RSPRY1: variants seen among roughly 807,000 people sequenced by gnomAD.
The protein encoded by RSPRY1 is RING finger and SPRY domain-containing protein 1.
In RSPRY1, 23 loss-of-function variants were observed where a neutral mutation model predicts 73.1. That is an observed-to-expected ratio of 0.31 (90% CI 0.23 to 0.45). The LOEUF is 0.45. RSPRY1 is among the 20% of genes least tolerant of loss of function. The pLI is 1.00. For synonymous variants in RSPRY1, 226 were observed against 251.4 expected (o/e 0.90, Z 0.95); for missense variants, 448 against 698.7 (o/e 0.64, Z 4.05).
At chr16:57,237,144 G>A (rs574158470) in intron 14 of RSPRY1, among the ~76,000 whole-genome samples, 118 of 152,244 alleles carry the variant, frequency 7.8e-4, no homozygotes, top group African/African-American at 2.6e-3. Context: ...TCCAGCCCAG[G>A]CAAAGGCAGG....
At chr16:57,206,248 A>T (rs760506902) in intron 2 of RSPRY1, among the ~76,000 whole-genome samples, 1 of 152,100 alleles carries the variant, frequency 6.6e-6, no homozygotes, top group Non-Finnish European at 1.5e-5. Flanking sequence ...TGCAAAAAAA[A>T]TTTAAAAATT....
rs534956028 is a variant in RSPRY1 at position 57,215,990 on chromosome 16, T to G, written c.703-117T>G. ...TGAGAACTTGAATGAATGAAACTTT[T>G]CTGACCACTCGAAAAAACATCTAGC... On this transcript the variant is annotated intron_variant, in intron 6 of 14. Transcript: ENST00000394420. 31 of 740,774 alleles carry G rather than the reference T, an allele frequency of 4.2e-5. No homozygotes were observed. The East Asian group carries it at 6.6e-4, about 16-fold the overall frequency. 45.9% of individuals were successfully genotyped at this position (740,774 alleles called of 1,614,324 possible).
intron 13 of RSPRY1, among the ~76,000 whole-genome samples, chr16:57,233,676 C>T (rs2098008506): frequency 6.6e-6 from 1 of 152,136 alleles, no homozygotes; most frequent in Non-Finnish European, 1.5e-5. Flanking sequence ...GGCCCCTCGT[C>T]TGTTAATAAC....
rs374004464 is a variant in RSPRY1 at position 57,212,968 on chromosome 16, T to C, written c.517-4T>C. ...TCAAACCCACTTGTACTTTTTTGTTTTAGGATGCACTCCAGAAATTGACTG... is the reference window on the plus strand; with the variant it reads ...TCAAACCCACTTGTACTTTTTTGTTCTAGGATGCACTCCAGAAATTGACTG... On this transcript the variant is annotated splice_polypyrimidine_tract_variant and splice_region_variant and intron_variant, in intron 4 of 14. Transcript: ENST00000394420. 1 of 1,613,548 alleles carries C rather than the reference T, an allele frequency of 6.2e-7. No homozygotes were observed. Among genetic ancestry groups the C allele is most frequent in the Non-Finnish European group, 8.5e-7 (1 of 1,179,700 alleles).
chr16:57,239,659 A>T lies in RSPRY1; in HGVS notation c.*684A>T, dbSNP rs2075351105. On this transcript the variant is annotated 3_prime_UTR_variant, in exon 15 of 15. Coordinates refer to ENST00000394420, the MANE Select transcript of RSPRY1 (RefSeq NM_133368.3). ...AAATTGGTGGTATTTTCACATTCATAGTGTTTCTATCCAATTTCAGTACCC... is the reference window on the plus strand; with the variant it reads ...AAATTGGTGGTATTTTCACATTCATTGTGTTTCTATCCAATTTCAGTACCC... 1 of 150,136 alleles carries T rather than the reference A, an allele frequency of 6.7e-6. No homozygotes were observed. The highest frequency in any genetic ancestry group is 6.6e-5 in the Admixed American group (1 of 15,070). The allele number at this position is 150,136 out of a possible 1,614,324, so 9.3% of individuals were successfully genotyped here.
At chr16:57,188,818 C>A (rs2074298410) in intron 1 of RSPRY1, among the ~76,000 whole-genome samples, 1 of 151,994 alleles carries the variant, frequency 6.6e-6, no homozygotes, top group Non-Finnish European at 1.5e-5. Flanking sequence ...GTCTGCCTTT[C>A]GAAGTAATTT....
intron 2 of RSPRY1, 49 bp from the exon 3 acceptor site, chr16:57,208,009 T>C: frequency 8.8e-7 from 1 of 1,140,024 alleles, no homozygotes; most frequent in Non-Finnish European, 1.3e-6. Flanking sequence ...TATTTGGAAT[T>C]GTCATTTATT....
chr16:57,216,203 T>G (rs2074937815), intron 7 of RSPRY1, 30 bp downstream of exon 7: 2 of 1,501,590 alleles, frequency 1.3e-6, no homozygotes, highest in Non-Finnish European at 1.9e-6. Flanking sequence ...GCACTAATGA[T>G]CTTCTGTATT....
intron 13 of RSPRY1, 36 bp from the exon 14 acceptor site, chr16:57,235,088 T>G (rs753645603): frequency 5.3e-6 from 8 of 1,504,178 alleles, no homozygotes; most frequent in Non-Finnish European, 1.9e-6. Context: ...GGACCCCTGT[T>G]GACAAAATGT....
chr16:57,203,252 T>C (rs1459237430), intron 1 of RSPRY1, among the ~76,000 whole-genome samples: 4 of 152,094 alleles, frequency 2.6e-5, no homozygotes, highest in African/African-American at 9.7e-5. Flanking sequence ...GCTAAGATCA[T>C]ACCACTGCAC....
rs1820303431 is a variant in RSPRY1, at chr16:57,204,946, G to A, written c.288G>A (p.Lys96=). 1 of 1,614,188 alleles carries A rather than the reference G, an allele frequency of 6.2e-7. No individual in the cohort carries two copies. Among genetic ancestry groups the A allele is most frequent in the African/African-American group, 1.3e-5 (1 of 75,044 alleles). ...GAGGACCTCATGAGCCAAGGAGAAA[G>A]AAACAAAATGTGGATGGGCTAGTGT... ...RGRGPHEPRR[K]KQNVDGLVLD... Residue 96 remains lysine, a synonymous_variant, in exon 2 of 15, where the codon AAG becomes AAA. Transcript: ENST00000394420.
At chr16:57,220,691 A>G (rs2075020457) in intron 8 of RSPRY1, 41 bp from the exon 9 acceptor site, 1 of 1,356,534 alleles carries the variant, frequency 7.4e-7, no homozygotes, top group African/African-American at 1.4e-5. Flanking sequence ...TTTTCTCCAC[A>G]GCAGCCTGCC....
chr16:57,194,013 CTG>C (rs1239938735), intron 1 of RSPRY1, among the ~76,000 whole-genome samples: 1 of 151,886 alleles, frequency 6.6e-6, no homozygotes, highest in Non-Finnish European at 1.5e-5. Context: ...TTGTGGTAAA[CTG>C]GGATCACACC....
chr16:57,197,764 C>T (rs2146193654), intron 1 of RSPRY1, among the ~76,000 whole-genome samples: 1 of 152,276 alleles, frequency 6.6e-6, no homozygotes, highest in Middle Eastern at 3.4e-3. Flanking sequence ...AGCTCTGTCA[C>T]ATAGGCTGGA....
chr16:57,212,509 G>GT (rs2074862322), intron 4 of RSPRY1, among the ~76,000 whole-genome samples: 1 of 152,136 alleles, frequency 6.6e-6, no homozygotes, highest in African/African-American at 2.4e-5. Context: ...AGTAAGTCAT[G>GT]TAAGGAGACT....
chr16:57,197,677 G>T (rs2074475267), intron 1 of RSPRY1, among the ~76,000 whole-genome samples: 1 of 152,054 alleles, frequency 6.6e-6, no homozygotes, highest in Non-Finnish European at 1.5e-5. Flanking sequence ...CTTAATTTTT[G>T]TCTTCTTACC....
chr16:57,227,181 CT>C (rs1335778270), intron 10 of RSPRY1, among the ~76,000 whole-genome samples, 160 bp from the exon 11 acceptor site: 6 of 152,206 alleles, frequency 3.9e-5, no homozygotes, highest in Non-Finnish European at 7.3e-5. Flanking sequence ...AACCAGCCCT[CT>C]AAGTCATAAT....
chr16:57,231,023 T>G (rs1246623337), intron 12 of RSPRY1, 144 bp from the exon 13 acceptor site: 14 of 794,392 alleles, frequency 1.8e-5, no homozygotes, highest in Non-Finnish European at 2.4e-5. Flanking sequence ...CACAGACCTG[T>G]GTGGGTTATA....
intron 7 of RSPRY1, 128 bp downstream of exon 7, chr16:57,216,301 G>T: frequency 1.4e-6 from 1 of 690,588 alleles, no homozygotes; most frequent in Non-Finnish European, 2.5e-6. Flanking sequence ...TTTTCATCTG[G>T]ATAGACACGT....
Sources: gnomAD v4.1 joint callset for allele counts (sites outside exome capture counted in the v4.1 genomes callset) on GRCh38, gnomAD v4.1.1 for gene constraint, MANE v1.5 for transcripts, NCBI Gene and HGNC (gene_info 2026-07-23, HGNC 2026-07-21) for gene names.